Variants in SPOPL observed in about 807,000 individuals in gnomAD.
The protein encoded by SPOPL is speckle type BTB/POZ protein like.
SPOPL carries 23 observed loss-of-function variants against 53.8 expected under a neutral mutation model. The ratio of observed to expected loss-of-function variants is 0.43; its 90% confidence interval spans 0.31 to 0.61. The LOEUF is 0.61. SPOPL is among the 20% of genes least tolerant of loss of function. The pLI is 0.12. For missense variants in SPOPL, 442 were observed against 466.9 expected, an observed-to-expected ratio of 0.95 and a Z score of 0.49; for synonymous variants, 164 against 149.7, an observed-to-expected ratio of 1.10 and a Z score of -0.70.
At chr2:138,510,758 G>T (rs1388022815) in intron 1 of SPOPL, among the ~76,000 whole-genome samples, 1 of 152,004 alleles carries the variant, frequency 6.6e-6, no homozygotes, top group East Asian at 1.9e-4. Flanking sequence ...GCTGTCATTT[G>T]GATATATTTT....
At chr2:138,562,019 A>G (rs1011802571) in intron 8 of SPOPL, among the ~76,000 whole-genome samples, 1 of 152,198 alleles carries the variant, frequency 6.6e-6, no homozygotes, top group African/African-American at 2.4e-5. Flanking sequence ...AAATTACAAA[A>G]TATGCCAAAA....
intron 5 of SPOPL, among the ~76,000 whole-genome samples, chr2:138,553,188 G>A (rs767008986): frequency 3.9e-5 from 6 of 152,006 alleles, no homozygotes; most frequent in Admixed American, 2.0e-4. Flanking sequence ...AGATATGCCC[G>A]TGTCTATTGA....
chr2:138,507,755 C>G (rs1684245159), intron 1 of SPOPL, among the ~76,000 whole-genome samples: 1 of 152,158 alleles, frequency 6.6e-6, no homozygotes, highest in Non-Finnish European at 1.5e-5. Context: ...AATATCCTTA[C>G]CACCCATATA....
chr2:138,545,511 GC>G (rs1685174019), intron 1 of SPOPL, among the ~76,000 whole-genome samples: 1 of 151,592 alleles, frequency 6.6e-6, no homozygotes, highest in Non-Finnish European at 1.5e-5. Flanking sequence ...TCAGCTCACT[GC>G]AAACTCTGCC....
intron 5 of SPOPL, 35 bp from the exon 6 acceptor site, chr2:138,558,987 T>A: frequency 2.2e-5 from 34 of 1,531,202 alleles, no homozygotes; most frequent in Non-Finnish European, 2.8e-5. Flanking sequence ...TATTACTTTG[T>A]GAAAGTGTTT....
intron 5 of SPOPL, among the ~76,000 whole-genome samples, chr2:138,555,131 G>GGTGTGTGTGTGTGTGT (rs61000380): frequency 2.5e-4 from 35 of 140,180 alleles, no homozygotes; most frequent in African/African-American, 8.7e-4. Context: ...AGGGTAGGAG[G>GGTGTGTGTGTGTGTGT]GTGTGTGTGT....
chr2:138,559,194 T>G lies in SPOPL; in HGVS notation c.653T>G (p.Leu218Arg). 6.2e-7 allele frequency: 1 copy of G among 1,613,072 alleles called. No homozygotes were observed. The highest frequency in any genetic ancestry group is 8.5e-7 in the Non-Finnish European group (1 of 1,179,590). Reference sequence around the variant, plus strand: ...GAATTTAAAGCTCATAAATCTGTGCTTGCAGGTACTTTCTAGTTATGGGGT... The same window carrying G: ...GAATTTAAAGCTCATAAATCTGTGCGTGCAGGTACTTTCTAGTTATGGGGT... ...GQEFKAHKSVLAARSPVFNAM... is the reference protein window; with the variant it reads ...GQEFKAHKSVRAARSPVFNAM... The change falls in exon 6 of 11, where the codon CTT becomes CGT. Residue 218 changes from leucine to arginine, a missense_variant. Coordinates refer to ENST00000280098, the MANE Select transcript of SPOPL (RefSeq NM_001001664.3).
chr2:138,546,241 TCA>T (rs1311896354), intron 1 of SPOPL, among the ~76,000 whole-genome samples: 1 of 152,204 alleles, frequency 6.6e-6, no homozygotes. Context: ...GTAGGAAATA[TCA>T]CACTTGAAAT....
intron 1 of SPOPL, among the ~76,000 whole-genome samples, chr2:138,538,811 A>G (rs1463515424): frequency 6.6e-6 from 1 of 151,458 alleles, no homozygotes; most frequent in African/African-American, 2.4e-5. Flanking sequence ...GGTTAGTTAC[A>G]TATGTATATA....
intron 5 of SPOPL, among the ~76,000 whole-genome samples, chr2:138,557,956 C>T (rs1031726465): frequency 1.3e-4 from 20 of 152,036 alleles, no homozygotes; most frequent in Non-Finnish European, 4.4e-5. Flanking sequence ...GTCAGGAGTT[C>T]AAGACCAGCC....
intron 4 of SPOPL, 28 bp from the exon 5 acceptor site, chr2:138,552,526 A>G: frequency 6.3e-7 from 1 of 1,586,560 alleles, no homozygotes; most frequent in Non-Finnish European, 8.5e-7. Context: ...TATTTATTTT[A>G]TTTAAACTCT....
In SPOPL at chr2:138,544,461, G is replaced by A. The variant is rs183530835; in HGVS notation, c.-60-5696G>A. Among the ~76,000 whole-genome samples, 168 of 152,268 alleles carry A rather than the reference G, an allele frequency of 1.1e-3. 1 individual carries two copies. The highest frequency in any genetic ancestry group is 3.5e-3 in the African/African-American group (144 of 41,544). On this transcript the variant is annotated intron_variant, in intron 1 of 10. Coordinates refer to ENST00000280098, the MANE Select transcript of SPOPL (RefSeq NM_001001664.3). ...GCGCTCCTCCCCCAGCCTCGCTGCC[G>A]CCTTGCAGTTTGATCTCAGACTGCT...
At chr2:138,505,994 A>T (rs1477648964) in intron 1 of SPOPL, among the ~76,000 whole-genome samples, 3 of 152,164 alleles carry the variant, frequency 2.0e-5, no homozygotes, top group Non-Finnish European at 4.4e-5. Flanking sequence ...AGGTTGGTTG[A>T]TGGGGAATAG....
At chr2:138,524,815 CA>C (rs1684634258) in intron 1 of SPOPL, among the ~76,000 whole-genome samples, 1 of 152,240 alleles carries the variant, frequency 6.6e-6, no homozygotes, top group Admixed American at 6.5e-5. Flanking sequence ...GCATTTTGGT[CA>C]AAGCCATTCA....
chr2:138,542,618 C>T (rs1685098554), intron 1 of SPOPL, among the ~76,000 whole-genome samples: 1 of 152,058 alleles, frequency 6.6e-6, no homozygotes, highest in Non-Finnish European at 1.5e-5. Context: ...TTATTTTGAG[C>T]CTATGTGTGT....
At chr2:138,541,016 A>T (rs1211027842) in intron 1 of SPOPL, among the ~76,000 whole-genome samples, 4 of 151,882 alleles carry the variant, frequency 2.6e-5, no homozygotes, top group Admixed American at 2.0e-4. Flanking sequence ...GGTTTTTTTC[A>T]TTGTTTCTGT....
rs200859634 is a variant in SPOPL, at chr2:138,568,994, C to T, written c.1093C>T (p.His365Tyr). 9.0e-5 allele frequency: 145 copies of T among 1,614,120 alleles called. 1 individual carries two copies. The East Asian group carries it at 2.7e-3, about 30-fold the overall frequency. ...GWKSMIQSHP[H>Y]LVAEAFRALA... ...GAAGTCCATGATTCAGTCTCACCCT[C>T]ATTTAGTAGCAGAAGCCTTTCGAGC... is the stretch of plus-strand genomic sequence containing the variant. The change falls in exon 11 of 11, where the codon CAT becomes TAT. Residue 365 changes from histidine (H) to tyrosine (Y), a missense_variant. His to Tyr is a moderately conservative substitution (Grantham distance 83). Transcript: ENST00000280098.
At position 138,573,185 on chromosome 2, in the gene SPOPL, A is replaced by G. The variant is rs1487599332; in HGVS notation, c.*4105A>G. The stretch of plus-strand genomic sequence containing the variant: ...TCTTGTTGCTGAAAATATTTTTTGC[A>G]TTTCAACACATTGAGTTAAAATAAA... On this transcript the variant is annotated 3_prime_UTR_variant, in exon 11 of 11. Coordinates refer to ENST00000280098, the MANE Select transcript of SPOPL (RefSeq NM_001001664.3). 6.6e-6 allele frequency: 1 copy of G among 152,132 alleles called. No homozygotes were observed. Among genetic ancestry groups the G allele is most frequent in the African/African-American group, 2.4e-5 (1 of 41,442 alleles). 9.4% of individuals were successfully genotyped at this position (152,132 alleles called of 1,614,324 possible). A position where few individuals can be genotyped will look rare whatever the true frequency, so the allele number is the denominator to read the frequency against.
rs142616025 is a variant in SPOPL at position 138,528,438 on chromosome 2, C to G, written c.-60-21719C>G. ...CTCTGACTTGAATTTTTAAAAATGTCTGATGTACCAGTGTCACACCCTTTC... is the reference window on the plus strand; with the variant it reads ...CTCTGACTTGAATTTTTAAAAATGTGTGATGTACCAGTGTCACACCCTTTC... On this transcript the variant is annotated intron_variant, in intron 1 of 10. Transcript: ENST00000280098. Among the ~76,000 whole-genome samples the G allele has an allele frequency of 2.3e-3, 344 of 152,250 alleles. 3 individuals carry two copies. The highest frequency in any genetic ancestry group is 7.8e-3 in the African/African-American group (326 of 41,544).
Sources: gnomAD v4.1 joint callset for allele counts (sites outside exome capture counted in the v4.1 genomes callset) on GRCh38, gnomAD v4.1.1 for gene constraint, MANE v1.5 for transcripts, NCBI Gene and HGNC (gene_info 2026-07-23, HGNC 2026-07-21) for gene names.